The following LAMA2 variants were observed in gnomAD, a reference collection of about 807,000 sequenced individuals.
The protein encoded by LAMA2 is laminin subunit alpha-2.
LAMA2 carries 269 observed loss-of-function variants against 364.8 expected under a neutral mutation model. That is an observed-to-expected ratio of 0.74 (90% CI 0.67 to 0.82). The LOEUF is 0.82. Ranked by LOEUF, LAMA2 falls within the 40% of genes least tolerant of loss-of-function variation. The pLI is 0.00. For synonymous variants in LAMA2, 1,379 were observed against 1,370.6 expected, an observed-to-expected ratio of 1.01 and a Z score of -0.14; for missense variants, 3,807 against 3,873.2, an observed-to-expected ratio of 0.98 and a Z score of 0.45.
chr6:129,133,836 C>T (rs1777632673), intron 4 of LAMA2, among the ~76,000 whole-genome samples: 1 of 151,920 alleles, frequency 6.6e-6, no homozygotes, highest in Non-Finnish European at 1.5e-5. Context: ...TTTGTGTACT[C>T]GTAAAATACA....
intron 61 of LAMA2, among the ~76,000 whole-genome samples, chr6:129,506,276 C>T (rs1292535742): frequency 6.6e-6 from 1 of 151,862 alleles, no homozygotes; most frequent in African/African-American, 2.4e-5. Flanking sequence ...TCACTTGAAC[C>T]CGAGGGTCAG....
At chr6:129,415,907 A>G (rs1276961771) in intron 40 of LAMA2, among the ~76,000 whole-genome samples, 1 of 151,996 alleles carries the variant, frequency 6.6e-6, no homozygotes, top group African/African-American at 2.4e-5. Flanking sequence ...ACCCTGTCCA[A>G]AGGGAAGCTT....
At chr6:129,017,510 T>G (rs2114707525) in intron 1 of LAMA2, among the ~76,000 whole-genome samples, 1 of 152,158 alleles carries the variant, frequency 6.6e-6, no homozygotes, top group Non-Finnish European at 1.5e-5. Context: ...ACAGGTGAAC[T>G]TTGGTAACAT....
At position 129,269,139 on chromosome 6, in the gene LAMA2, G is replaced by A. The variant is rs13193684; in HGVS notation, c.2323-1485G>A. 5.3e-5 allele frequency among the ~76,000 whole-genome samples: 8 copies of A among 152,094 alleles called. No homozygotes were observed. In the East Asian group the frequency reaches 1.5e-3, roughly 29 times the overall value. ...TATCTGAAAAATATTTTTGGCACCA[G>A]AACAAAATCTAAACTTCTGCAATAG... On this transcript the variant is annotated intron_variant, in intron 16 of 64. Coordinates refer to ENST00000421865, the MANE Select transcript of LAMA2 (RefSeq NM_000426.4).
chr6:129,197,470 C>A (rs1034024580), intron 12 of LAMA2, among the ~76,000 whole-genome samples: 37 of 152,204 alleles, frequency 2.4e-4, no homozygotes, highest in African/African-American at 8.9e-4. Context: ...CCATCAATGA[C>A]TTGGAAGCCC....
chr6:128,914,166 C>T (rs1238943739), intron 1 of LAMA2, among the ~76,000 whole-genome samples: 1 of 151,984 alleles, frequency 6.6e-6, no homozygotes, highest in Non-Finnish European at 1.5e-5. Flanking sequence ...TTAAAAATAG[C>T]TTTCTATGGC....
intron 43 of LAMA2, among the ~76,000 whole-genome samples, chr6:129,442,571 A>G (rs56718060): frequency 0.026 from 3,911 of 152,250 alleles, 169 homozygotes; most frequent in African/African-American, 0.089. Context: ...GGTTTGTTAC[A>G]TAGGTAAACC....
chr6:129,141,486 G>A (rs982265155), intron 4 of LAMA2, among the ~76,000 whole-genome samples: 3 of 151,966 alleles, frequency 2.0e-5, no homozygotes, highest in Non-Finnish European at 4.4e-5. Flanking sequence ...ATTCAATTAG[G>A]TGGAACATAT....
chr6:129,038,886 T>C lies in LAMA2; in HGVS notation c.113-11032T>C, dbSNP rs115557749. On this transcript the variant is annotated intron_variant, in intron 1 of 64. Coordinates refer to ENST00000421865, the MANE Select transcript of LAMA2 (RefSeq NM_000426.4). ...ATGAAGGTCTGCCACATTTTTCATA[T>C]AGGTTGGCTTTTTCTTTGAATGTTT... Among the ~76,000 whole-genome samples, 616 of 152,322 alleles carry C rather than the reference T, an allele frequency of 4.0e-3. 7 individuals carry two copies. The highest frequency in any genetic ancestry group is 0.014 in the African/African-American group (599 of 41,566).
At chr6:129,456,195 C>A in intron 47 of LAMA2, 140 bp from the exon 48 acceptor site, 2 of 815,708 alleles carry the variant, frequency 2.5e-6, no homozygotes, top group South Asian at 1.5e-5. Flanking sequence ...ATGTTAGAAA[C>A]TAAACAGCCA....
chr6:129,505,506 A>G (rs1016432270), intron 61 of LAMA2, 151 bp downstream of exon 61: 54 of 691,850 alleles, frequency 7.8e-5, no homozygotes, highest in South Asian at 2.1e-4. Context: ...TTTGTTGTTT[A>G]TTTGTTTGTT....
chr6:129,046,667 C>T (rs958481882), intron 1 of LAMA2, among the ~76,000 whole-genome samples: 3 of 152,164 alleles, frequency 2.0e-5, no homozygotes, highest in African/African-American at 7.2e-5. Flanking sequence ...GTATCTGTAT[C>T]TATAGCCACA....
chr6:129,098,892 G>A (rs1775342656), intron 4 of LAMA2, among the ~76,000 whole-genome samples: 1 of 152,176 alleles, frequency 6.6e-6, no homozygotes, highest in South Asian at 2.1e-4. Context: ...GCTACAGTGG[G>A]GTTTCTTCCC....
intron 3 of LAMA2, among the ~76,000 whole-genome samples, chr6:129,089,642 G>A (rs1488214482): frequency 6.6e-6 from 1 of 152,224 alleles, no homozygotes; most frequent in Non-Finnish European, 1.5e-5. Flanking sequence ...TGAAACCACA[G>A]ATTGTTTCAA....
chr6:129,516,149 G>T (rs1787053263), intron 64 of LAMA2, 41 bp from the exon 65 acceptor site: 2 of 1,609,150 alleles, frequency 1.2e-6, no homozygotes, highest in Non-Finnish European at 8.5e-7. Context: ...ATTTGGTGCA[G>T]GACATTTCAA....
At chr6:129,313,722 C>T (rs1169903092) in intron 23 of LAMA2, among the ~76,000 whole-genome samples, 1 of 152,120 alleles carries the variant, frequency 6.6e-6, no homozygotes, top group Non-Finnish European at 1.5e-5. Context: ...GCAGTTTAAA[C>T]TGTGTCAGAG....
At chr6:129,089,557 C>T (rs1774677335) in intron 3 of LAMA2, among the ~76,000 whole-genome samples, 1 of 152,236 alleles carries the variant, frequency 6.6e-6, no homozygotes, top group African/African-American at 2.4e-5. Context: ...CTCAGCCTAC[C>T]TGCTCTTTTA....
chr6:129,165,753 T>G (rs1182667459), intron 9 of LAMA2, 78 bp downstream of exon 9: 1 of 894,002 alleles, frequency 1.1e-6, no homozygotes, highest in Non-Finnish European at 1.9e-6. Flanking sequence ...CAGAAGAATA[T>G]TTTGCAGTAA....
intron 1 of LAMA2, among the ~76,000 whole-genome samples, chr6:129,042,112 C>G (rs569661930): frequency 3.7e-4 from 56 of 151,908 alleles, no homozygotes; most frequent in African/African-American, 1.3e-3. Context: ...CAAAACCAGC[C>G]TGGCTGATAT....
Sources: gnomAD v4.1 joint callset for allele counts (sites outside exome capture counted in the v4.1 genomes callset) on GRCh38, gnomAD v4.1.1 for gene constraint, MANE v1.5 for transcripts, NCBI Gene and HGNC (gene_info 2026-07-23, HGNC 2026-07-21) for gene names.